The following LGSN variants were observed in gnomAD, a reference collection of about 807,000 sequenced individuals.
The protein encoded by LGSN is lengsin.
In LGSN, 21 loss-of-function variants were observed where a neutral mutation model predicts 19.5. The ratio of observed to expected loss-of-function variants is 1.07; its 90% CI spans 0.76 to 1.55. The LOEUF is 1.55. LGSN is among the 40% of genes most tolerant of loss of function. The probability of loss-of-function intolerance (pLI) is 0.00; values close to 1 mark genes in which losing one functional copy is unlikely to be tolerated. For missense variants in LGSN, 673 were observed against 608.5 expected (o/e 1.11, Z -1.12); for synonymous variants, 257 against 215.6 (o/e 1.19, Z -1.68).
chr6:63,295,536 C>A (rs1426549119), intron 1 of LGSN, among the ~76,000 whole-genome samples: 2 of 152,062 alleles, frequency 1.3e-5, no homozygotes, highest in Admixed American at 1.3e-4. Flanking sequence ...ATAATTGCAT[C>A]AATATTTACT....
the LGSN span, among the ~76,000 whole-genome samples, chr6:63,437,671 G>A: frequency 6.6e-5 from 10 of 152,230 alleles, no homozygotes; most frequent in Non-Finnish European, 1.5e-4. Context: ...AGTGGTTCAC[G>A]CCTGTAATCC....
the LGSN span, among the ~76,000 whole-genome samples, chr6:63,398,310 T>C: frequency 1.2e-4 from 18 of 151,646 alleles, no homozygotes; most frequent in Non-Finnish European, 2.5e-4. Flanking sequence ...CAGACAGCTC[T>C]ATGTGTGTTA....
chr6:63,357,353 T>C, the LGSN span, among the ~76,000 whole-genome samples: 2 of 152,190 alleles, frequency 1.3e-5, no homozygotes, highest in African/African-American at 4.8e-5. Flanking sequence ...TACCCAGTAA[T>C]GGGATGGCTG....
chr6:63,401,275 C>T, the LGSN span, among the ~76,000 whole-genome samples: 6 of 151,566 alleles, frequency 4.0e-5, no homozygotes, highest in Non-Finnish European at 8.8e-5. Context: ...TGGCACATGC[C>T]TGTGATCCCA....
the LGSN span, among the ~76,000 whole-genome samples, chr6:63,511,185 A>T: frequency 6.6e-6 from 1 of 151,978 alleles, no homozygotes; most frequent in Non-Finnish European, 1.5e-5. Context: ...GATGAGCCCA[A>T]TGGAAGCCCT....
chr6:63,410,211 A>G, the LGSN span, among the ~76,000 whole-genome samples: 1 of 152,130 alleles, frequency 6.6e-6, no homozygotes, highest in Non-Finnish European at 1.5e-5. Context: ...TACAGGTTTG[A>G]CACATACAAA....
the LGSN span, among the ~76,000 whole-genome samples, chr6:63,387,103 A>G: frequency 2.6e-5 from 4 of 152,182 alleles, no homozygotes; most frequent in African/African-American, 9.7e-5. Flanking sequence ...TCCGTCTCAA[A>G]AAAAAATAAA....
chr6:63,387,509 C>T, the LGSN span, among the ~76,000 whole-genome samples: 1 of 152,066 alleles, frequency 6.6e-6, no homozygotes, highest in Admixed American at 6.6e-5. Context: ...TGAGCCACTG[C>T]AGATTTTGAT....
the LGSN span, among the ~76,000 whole-genome samples, chr6:63,543,845 C>T: frequency 6.6e-6 from 1 of 152,190 alleles, no homozygotes; most frequent in African/African-American, 2.4e-5. Flanking sequence ...TCTTTTAGAT[C>T]CCCAAACAAA....
At chr6:63,461,571 C>A in the LGSN span, among the ~76,000 whole-genome samples, 1 of 152,194 alleles carries the variant, frequency 6.6e-6, no homozygotes, top group African/African-American at 2.4e-5. Context: ...ATGTGTTCTA[C>A]ATTTACATGA....
At chr6:63,370,180 C>T in the LGSN span, among the ~76,000 whole-genome samples, 2 of 152,146 alleles carry the variant, frequency 1.3e-5, no homozygotes, top group Non-Finnish European at 2.9e-5. Context: ...TAACATCCCC[C>T]TCAAGTAAGA....
At chr6:63,366,592 T>C in the LGSN span, among the ~76,000 whole-genome samples, 1 of 152,210 alleles carries the variant, frequency 6.6e-6, no homozygotes, top group South Asian at 2.1e-4. Flanking sequence ...AAAACTACTT[T>C]AAAGTTCATA....
intron 1 of LGSN, among the ~76,000 whole-genome samples, chr6:63,312,782 G>A (rs868449825): frequency 6.6e-6 from 1 of 152,156 alleles, no homozygotes; most frequent in Non-Finnish European, 1.5e-5. Flanking sequence ...CGGGCGAAAT[G>A]AGCATAGTGC....
chr6:63,345,351 AT>A, the LGSN span, among the ~76,000 whole-genome samples: 4 of 152,206 alleles, frequency 2.6e-5, no homozygotes, highest in East Asian at 7.7e-4. Flanking sequence ...GTCAGCTAAG[AT>A]TGGGTTCATT....
At chr6:63,448,571 C>G in the LGSN span, among the ~76,000 whole-genome samples, 1 of 151,592 alleles carries the variant, frequency 6.6e-6, no homozygotes, top group Non-Finnish European at 1.5e-5. Context: ...GCAGGCCCAA[C>G]CCCTAAGTAT....
At chr6:63,348,203 G>T in the LGSN span, among the ~76,000 whole-genome samples, 1 of 152,094 alleles carries the variant, frequency 6.6e-6, no homozygotes, top group Non-Finnish European at 1.5e-5. Flanking sequence ...TAATATAAAA[G>T]TATGGACTGG....
chr6:63,390,487 T>A, the LGSN span, among the ~76,000 whole-genome samples: 1 of 151,914 alleles, frequency 6.6e-6, no homozygotes, highest in South Asian at 2.1e-4. Flanking sequence ...TATTGCCAAA[T>A]TCACCACTTC....
the LGSN span, among the ~76,000 whole-genome samples, chr6:63,429,228 T>C: frequency 6.6e-6 from 1 of 152,180 alleles, no homozygotes; most frequent in East Asian, 1.9e-4. Flanking sequence ...AAGTCTCACT[T>C]TTTTAAATAT....
At chr6:63,334,588 TTA>T in the LGSN span, among the ~76,000 whole-genome samples, 1 of 152,198 alleles carries the variant, frequency 6.6e-6, no homozygotes, top group African/African-American at 2.4e-5. Flanking sequence ...AATGTCGCTT[TTA>T]TAGAAACAGA....
Sources: allele counts gnomAD v4.1 joint callset (sites outside exome capture counted in the v4.1 genomes callset), GRCh38; gene constraint gnomAD v4.1.1; transcripts MANE v1.5; gene names NCBI Gene and HGNC (gene_info 2026-07-23, HGNC 2026-07-21).